SNTG2: variants seen among roughly 807,000 people sequenced by gnomAD.
The protein encoded by SNTG2 is syntrophin gamma 2.
SNTG2 carries 74 observed loss-of-function variants against 70.9 expected under a neutral mutation model. The observed-to-expected ratio is 1.04, with a 90% CI of 0.86 to 1.27. SNTG2 has a LOEUF of 1.27. Ranked by LOEUF, SNTG2 falls within the 50% of genes most tolerant of loss-of-function variation. The pLI is 0.00. For synonymous variants in SNTG2, 278 were observed against 273.8 expected (o/e 1.02, Z -0.15); for missense variants, 717 against 690.7 (o/e 1.04, Z -0.43).
chr2:1,131,306 G>A (rs1453005335), intron 4 of SNTG2, among the ~76,000 whole-genome samples: 2 of 152,138 alleles, frequency 1.3e-5, no homozygotes, highest in Non-Finnish European at 2.9e-5. Context: ...TTAGGTGCTG[G>A]AGTGCTATTC....
At chr2:990,805 C>T (rs1246629018) in intron 1 of SNTG2, among the ~76,000 whole-genome samples, 1 of 151,610 alleles carries the variant, frequency 6.6e-6, no homozygotes, top group Non-Finnish European at 1.5e-5. Flanking sequence ...TTATATCATT[C>T]CTAATTCTGG....
At chr2:1,131,407 T>C (rs1035766898) in intron 4 of SNTG2, among the ~76,000 whole-genome samples, 1 of 152,190 alleles carries the variant, frequency 6.6e-6, no homozygotes, top group Admixed American at 6.5e-5. Flanking sequence ...GTGTGCAAGC[T>C]TCAAGTTGTT....
chr2:1,362,620 C>T (rs78614341), intron 16 of SNTG2, among the ~76,000 whole-genome samples: 71,805 of 107,622 alleles, frequency 0.67, 24,162 homozygotes, highest in East Asian at 0.92. Flanking sequence ...AGGTCACCGA[C>T]ACTGAGCATT....
chr2:1,161,891 G>A (rs928947052), intron 6 of SNTG2, among the ~76,000 whole-genome samples: 7 of 151,948 alleles, frequency 4.6e-5, no homozygotes, highest in Non-Finnish European at 5.9e-5. Context: ...TGGCTAACAC[G>A]GTGAAACCCC....
intron 6 of SNTG2, 92 bp downstream of exon 6, chr2:1,137,901 T>C: frequency 2.5e-6 from 3 of 1,209,808 alleles, no homozygotes; most frequent in Admixed American, 3.6e-5. Flanking sequence ...AGTCTATCCA[T>C]AGATGCAGTG....
chr2:1,270,941 C>T (rs1445953373), intron 14 of SNTG2, among the ~76,000 whole-genome samples: 1 of 152,186 alleles, frequency 6.6e-6, no homozygotes, highest in Non-Finnish European at 1.5e-5. Flanking sequence ...AAAAGGATTT[C>T]TGAAAGGAAA....
intron 16 of SNTG2, 127 bp downstream of exon 16, chr2:1,316,502 G>A (rs1681285582): frequency 9.2e-6 from 5 of 545,010 alleles, no homozygotes; most frequent in Admixed American, 7.2e-5. Flanking sequence ...CCTGAAGCAC[G>A]AGTCCTTCCT....
intron 2 of SNTG2, among the ~76,000 whole-genome samples, chr2:1,085,654 G>A (rs764969660): frequency 3.3e-5 from 5 of 152,194 alleles, no homozygotes; most frequent in Admixed American, 6.5e-5. Context: ...AATTCTGTCC[G>A]TGTATCCAGC....
At position 1,239,732 on chromosome 2, in the gene SNTG2, C is replaced by G; in HGVS notation, c.850-6C>G. On this transcript the variant is annotated splice_region_variant and splice_polypyrimidine_tract_variant and intron_variant, in intron 10 of 16. Transcript: ENST00000308624. ...TGGCCCTGACTCTTCTGCCTTCTCT[C>G]CACAGATGAAGATGGCGAACAAATG... 6.2e-7 allele frequency: 1 copy of G among 1,613,254 alleles called. No individual in the cohort carries two copies. The highest frequency in any genetic ancestry group is 8.5e-7 in the Non-Finnish European group (1 of 1,179,678).
At chr2:981,430 GCA>G (rs142574286) in intron 1 of SNTG2, among the ~76,000 whole-genome samples, 11,619 of 152,114 alleles carry the variant, frequency 0.076, 662 homozygotes, top group South Asian at 0.2. Context: ...AAGCACATGT[GCA>G]CACACATGCA....
At chr2:1,188,555 CAAT>C (rs778535809) in intron 8 of SNTG2, among the ~76,000 whole-genome samples, 1 of 152,024 alleles carries the variant, frequency 6.6e-6, no homozygotes, top group Non-Finnish European at 1.5e-5. Flanking sequence ...AATATATATA[CAAT>C]AATAATGAGC....
rs192008930 is a variant in SNTG2 at position 1,293,409 on chromosome 2, C to T, written c.1285-15085C>T. 4.5e-3 allele frequency among the ~76,000 whole-genome samples: 686 copies of T among 151,556 alleles called. 7 individuals are homozygous for T. Among genetic ancestry groups the T allele is most frequent in the African/African-American group, 0.016 (644 of 41,354 alleles). On this transcript the variant is annotated intron_variant, in intron 14 of 16. Coordinates refer to ENST00000308624, the MANE Select transcript of SNTG2 (RefSeq NM_018968.4). Reference sequence around the variant, plus strand: ...TTCCTTCTTCTAGATTTGCGTTTAGCGTGTTTTTCTTTTTTCTAGTTTCTT... The same window carrying T: ...TTCCTTCTTCTAGATTTGCGTTTAGTGTGTTTTTCTTTTTTCTAGTTTCTT...
At chr2:1,326,219 A>G (rs1039479422) in intron 16 of SNTG2, among the ~76,000 whole-genome samples, 2 of 152,182 alleles carry the variant, frequency 1.3e-5, no homozygotes, top group Admixed American at 6.5e-5. Flanking sequence ...AATAAGTTAA[A>G]ACGACTTTTT....
chr2:1,208,689 A>G (rs978792540), intron 8 of SNTG2, among the ~76,000 whole-genome samples: 1 of 152,054 alleles, frequency 6.6e-6, no homozygotes, highest in African/African-American at 2.4e-5. Flanking sequence ...CATGACCTGG[A>G]CGCCCGTTGG....
intron 4 of SNTG2, among the ~76,000 whole-genome samples, chr2:1,112,558 G>T (rs955733284): frequency 1.3e-5 from 2 of 151,670 alleles, no homozygotes; most frequent in Non-Finnish European, 2.9e-5. Context: ...TGTACTAAGT[G>T]AGGTGTAACC....
chr2:1,199,116 A>G (rs1673117677), intron 8 of SNTG2, among the ~76,000 whole-genome samples: 1 of 132,096 alleles, frequency 7.6e-6, no homozygotes. Flanking sequence ...ATGAACACAG[A>G]CACAAAAACC....
At chr2:1,340,423 T>G (rs1235091889) in intron 16 of SNTG2, among the ~76,000 whole-genome samples, 1 of 152,274 alleles carries the variant, frequency 6.6e-6, no homozygotes, top group Non-Finnish European at 1.5e-5. Context: ...GAAGGAGAGA[T>G]TCTTTTGCAA....
At chr2:1,279,259 T>C (rs11674954) in intron 14 of SNTG2, among the ~76,000 whole-genome samples, 1 of 152,152 alleles carries the variant, frequency 6.6e-6, no homozygotes, top group Non-Finnish European at 1.5e-5. Flanking sequence ...TCTTATCGGA[T>C]GTAGTCATGT....
chr2:970,034 C>T (rs1220681370), intron 1 of SNTG2, among the ~76,000 whole-genome samples: 1 of 152,094 alleles, frequency 6.6e-6, no homozygotes, highest in African/African-American at 2.4e-5. Context: ...GAGGAATATA[C>T]CTTCATTGCC....
Sources: gnomAD v4.1 joint callset for allele counts (sites outside exome capture counted in the v4.1 genomes callset) on GRCh38, gnomAD v4.1.1 for gene constraint, MANE v1.5 for transcripts, NCBI Gene and HGNC (gene_info 2026-07-23, HGNC 2026-07-21) for gene names.